The following SLC8A1 variants were observed in gnomAD, a reference collection of about 807,000 sequenced individuals.
SLC8A1 encodes the protein sodium/calcium exchanger 1.
Under a neutral mutation model 68.3 loss-of-function variants are expected in SLC8A1, and 18 were observed. That is an observed-to-expected ratio of 0.26 (90% CI 0.18 to 0.39). The LOEUF (loss-of-function observed/expected upper bound fraction) is 0.39, where lower values mean the gene tolerates loss of function less well. SLC8A1 is among the 10% of genes least tolerant of loss of function. The pLI, the probability that SLC8A1 is intolerant of heterozygous loss-of-function variation, is 1.00. For missense variants in SLC8A1, 985 were observed against 1,156.7 expected, an observed-to-expected ratio of 0.85 and a Z score of 2.15; for synonymous variants, 475 against 415.5, an observed-to-expected ratio of 1.14 and a Z score of -1.74.
At chr2:40,392,008 C>G (rs2149603247) in intron 2 of SLC8A1, among the ~76,000 whole-genome samples, 1 of 151,472 alleles carries the variant, frequency 6.6e-6, no homozygotes, top group East Asian at 2.0e-4. Flanking sequence ...GTGGAAACAG[C>G]AAAATGCTGG....
In SLC8A1 at chr2:40,178,507, T is replaced by C. The variant is rs2048878817; in HGVS notation, c.1809-652A>G. ...GATATTGTTTTGCTGAAACAGAGAATAGAAATTGACGAACAAGGGGAAGAG... is the reference window on the plus strand; with the variant it reads ...GATATTGTTTTGCTGAAACAGAGAACAGAAATTGACGAACAAGGGGAAGAG... On this transcript the variant is annotated intron_variant, in intron 2 of 7. Transcript: ENST00000406785. The C allele has an allele frequency of 6.3e-7, 1 of 1,598,094 alleles. No individual in the cohort carries two copies. The highest frequency in any genetic ancestry group is 2.2e-5 in the East Asian group (1 of 44,710).
At chr2:40,108,343 C>T (rs2034351928) in exon 8 of SLC8A1, 1 of 152,136 alleles carries the variant, frequency 6.6e-6, no homozygotes, top group African/African-American at 2.4e-5. Context: ...CTTTGATTTT[C>T]ATATAAAACC....
At chr2:40,149,004 G>A (rs981853381) in intron 6 of SLC8A1, among the ~76,000 whole-genome samples, 3 of 152,064 alleles carry the variant, frequency 2.0e-5, no homozygotes, top group East Asian at 3.9e-4. Context: ...TTCAATATCA[G>A]CCATCTGGAA....
chr2:40,422,693 A>G (rs1403928077), intron 2 of SLC8A1, among the ~76,000 whole-genome samples: 1 of 152,180 alleles, frequency 6.6e-6, no homozygotes, highest in Non-Finnish European at 1.5e-5. Flanking sequence ...ATTAAAGTAA[A>G]GCAGAACCAT....
At position 40,505,246 on chromosome 2, in the gene SLC8A1, T is replaced by C. The variant is rs183931463; in HGVS notation, c.-25+7103A>G. 2.0e-5 allele frequency among the ~76,000 whole-genome samples: 3 copies of C among 151,872 alleles called. No individual in the cohort carries two copies. The East Asian group carries it at 5.8e-4, about 29-fold the overall frequency. On this transcript the variant is annotated intron_variant, in intron 1 of 7. Coordinates refer to the SLC8A1 transcript ENST00000402441. ...GAAGGCTAATGGGTACAAAAATAGTTAGAAAGAATGAATAAGATCTACTAT... is the reference window on the plus strand; with the variant it reads ...GAAGGCTAATGGGTACAAAAATAGTCAGAAAGAATGAATAAGATCTACTAT...
chr2:40,171,472 T>G (rs765342692), intron 4 of SLC8A1, among the ~76,000 whole-genome samples: 52 of 152,326 alleles, frequency 3.4e-4, no homozygotes, highest in Non-Finnish European at 5.7e-4. Flanking sequence ...ATTATTCATG[T>G]TTATATGGTC....
intron 4 of SLC8A1, among the ~76,000 whole-genome samples, chr2:40,169,191 T>C: frequency 6.6e-6 from 1 of 152,174 alleles, no homozygotes. Context: ...ATAAGGTCCA[T>C]CTCATTATCA....
intron 1 of SLC8A1, among the ~76,000 whole-genome samples, chr2:40,494,639 TAATATATATATATA>T (rs1559770160): frequency 4.0e-5 from 3 of 75,432 alleles, no homozygotes; most frequent in East Asian, 3.7e-4. Flanking sequence ...ACTTAAAGTA[TAATATATATATATA>T]TATATATATA....
intron 5 of SLC8A1, among the ~76,000 whole-genome samples, chr2:40,164,101 C>T (rs996336240): frequency 3.3e-5 from 5 of 152,164 alleles, no homozygotes; most frequent in African/African-American, 9.7e-5. Context: ...CAGAACTGAA[C>T]TGTTTCTTCC....
chr2:40,303,251 A>G (rs536155355), intron 2 of SLC8A1, among the ~76,000 whole-genome samples: 59 of 152,336 alleles, frequency 3.9e-4, no homozygotes, highest in Non-Finnish European at 5.0e-4. Context: ...CCCCTGTAGC[A>G]GGAAAGAAGC....
At chr2:40,337,650 C>T (rs376437936) in intron 2 of SLC8A1, among the ~76,000 whole-genome samples, 1 of 152,106 alleles carries the variant, frequency 6.6e-6, no homozygotes, top group African/African-American at 2.4e-5. Context: ...CTAAACCTTT[C>T]CCCCTAGGTT....
intron 2 of SLC8A1, among the ~76,000 whole-genome samples, chr2:40,394,442 A>AGTGT (rs376894379): frequency 6.6e-6 from 1 of 151,070 alleles, no homozygotes. Context: ...TTTTTCTGTT[A>AGTGT]GTGTGTGTGT....
chr2:40,309,422 C>T (rs1418866368), intron 2 of SLC8A1, among the ~76,000 whole-genome samples: 6 of 152,024 alleles, frequency 3.9e-5, no homozygotes. Context: ...TCTATGATCT[C>T]CCTAAAATTG....
chr2:40,294,095 A>G (rs368046851), intron 2 of SLC8A1, among the ~76,000 whole-genome samples: 52 of 152,296 alleles, frequency 3.4e-4, no homozygotes, highest in African/African-American at 1.2e-3. Flanking sequence ...GCACTGAGAT[A>G]TCTTTATGCT....
intron 1 of SLC8A1, among the ~76,000 whole-genome samples, chr2:40,431,242 T>G (rs2149791648): frequency 6.6e-6 from 1 of 152,194 alleles, no homozygotes; most frequent in Non-Finnish European, 1.5e-5. Context: ...AACCTTAAAA[T>G]GTTCCTTCTC....
chr2:40,262,809 A>G (rs1350198400), intron 2 of SLC8A1, among the ~76,000 whole-genome samples: 1 of 152,118 alleles, frequency 6.6e-6, no homozygotes, highest in Non-Finnish European at 1.5e-5. Context: ...TGATACAGAT[A>G]TTATATGAGA....
chr2:40,379,844 C>A (rs1390700048), intron 2 of SLC8A1, among the ~76,000 whole-genome samples: 1 of 152,014 alleles, frequency 6.6e-6, no homozygotes, highest in Non-Finnish European at 1.5e-5. Flanking sequence ...TATTAAAGTT[C>A]TCAGGCTAAA....
At chr2:40,479,548 G>T (rs1704499207) in intron 1 of SLC8A1, among the ~76,000 whole-genome samples, 1 of 152,176 alleles carries the variant, frequency 6.6e-6, no homozygotes, top group Non-Finnish European at 1.5e-5. Flanking sequence ...ATAGTAGTAG[G>T]TATTTATATA....
At chr2:40,404,751 A>G (rs913979516) in intron 2 of SLC8A1, among the ~76,000 whole-genome samples, 1 of 152,150 alleles carries the variant, frequency 6.6e-6, no homozygotes, top group Non-Finnish European at 1.5e-5. Flanking sequence ...CTTGAAATGC[A>G]TAATTAACCA....
Sources: gnomAD v4.1 joint callset for allele counts (sites outside exome capture counted in the v4.1 genomes callset) on GRCh38, gnomAD v4.1.1 for gene constraint, MANE v1.5 for transcripts, NCBI Gene and HGNC (gene_info 2026-07-23, HGNC 2026-07-21) for gene names.